GLS: variants seen among roughly 807,000 people sequenced by gnomAD.
GLS encodes the protein glutaminase, also known as glutaminase kidney isoform, mitochondrial.
A neutral mutation model predicts 86.7 loss-of-function variants in GLS; 36 were observed. The ratio of observed to expected loss-of-function variants is 0.42; its 90% CI spans 0.32 to 0.55. The LOEUF (loss-of-function observed/expected upper bound fraction) is 0.55, where lower values mean the gene tolerates loss of function less well. Among genes scored for constraint, GLS ranks in the 20% least tolerant of loss-of-function variants. The pLI, the probability that GLS is intolerant of heterozygous loss-of-function variation, is 0.17. For missense variants in GLS, 528 were observed against 833.4 expected, an observed-to-expected ratio of 0.63 and a Z score of 4.51; for synonymous variants, 317 against 305.9, an observed-to-expected ratio of 1.04 and a Z score of -0.38.
rs181150917 is a variant in GLS at position 190,881,020 on chromosome 2, G to A, written c.-65G>A. 5.3e-3 allele frequency: 8,032 copies of A among 1,503,808 alleles called. 42 individuals are homozygous for A. The highest frequency in any genetic ancestry group is 6.4e-3 in the Non-Finnish European group (7,230 of 1,125,408). 93.2% of individuals were successfully genotyped at this position (1,503,808 alleles called of 1,614,324 possible). A position where few individuals can be genotyped will look rare whatever the true frequency, so the allele number is the denominator to read the frequency against. Reference sequence around the variant, plus strand: ...CCCCACCACAGACCGCGTTCCCCGAGGAAACCGGCCGCCCACGCCCGGAGC... The same window carrying A: ...CCCCACCACAGACCGCGTTCCCCGAAGAAACCGGCCGCCCACGCCCGGAGC... On this transcript the variant is annotated 5_prime_UTR_variant, in exon 1 of 18. Coordinates refer to ENST00000320717, the MANE Select transcript of GLS (RefSeq NM_014905.5).
rs1380966191 is a variant in GLS at position 190,965,508 on chromosome 2, G to A, written c.*2522G>A. 1 of 152,494 alleles carries A rather than the reference G, an allele frequency of 6.6e-6. No homozygotes were observed. The highest frequency in any genetic ancestry group is 2.1e-4 in the South Asian group (1 of 4,816). The allele number at this position is 152,494 out of a possible 1,614,324, so 9.4% of individuals were successfully genotyped here. A position where few individuals can be genotyped will look rare whatever the true frequency, so the allele number is the denominator to read the frequency against. Reference sequence around the variant, plus strand: ...CATTTATTTTAAATGCAATCAGGTAGTGTTGCTTTTTACAGCATAATAAAT... The same window carrying A: ...CATTTATTTTAAATGCAATCAGGTAATGTTGCTTTTTACAGCATAATAAAT... On this transcript the variant is annotated 3_prime_UTR_variant, in exon 18 of 18. Transcript: ENST00000320717. The surrounding 1 kb of genome is among the most constrained non-coding windows in gnomAD (Gnocchi z 5.0).
At position 190,930,753 on chromosome 2, in the gene GLS, T is replaced by C. The variant is rs1468475999; in HGVS notation, c.1557+185T>C. Among the ~76,000 whole-genome samples, 2 of 152,222 alleles carry C rather than the reference T, an allele frequency of 1.3e-5. No individual in the cohort carries two copies. The highest frequency in any genetic ancestry group is 4.8e-5 in the African/African-American group (2 of 41,470). ...GTTGTCTCTGTCAGACAGCTCCCAT[T>C]TAATTATTCCCACAGATTATATTTG... On this transcript the variant is annotated intron_variant, in intron 13 of 17. Coordinates refer to ENST00000320717, the MANE Select transcript of GLS (RefSeq NM_014905.5). The surrounding 1 kb of genome is among the most constrained non-coding windows in gnomAD (Gnocchi z 5.0).
At position 190,949,582 on chromosome 2, in the gene GLS, A is replaced by G. The variant is rs143158184; in HGVS notation, c.1651-3983A>G. ...GTGGCACATGCCTGTAATCCCAGCT[A>G]CTCCAGAGGCTGAGGTGGGAGAATC... On this transcript the variant is annotated intron_variant, in intron 14 of 17. Transcript: ENST00000320717. This position sits in a 1 kb window ranked among gnomAD's most constrained non-coding sequence, Gnocchi z 4.0. Among the ~76,000 whole-genome samples the G allele has an allele frequency of 1.2e-4, 18 of 151,932 alleles. No individual in the cohort carries two copies. The East Asian group carries it at 3.1e-3, about 26-fold the overall frequency.
intron 14 of GLS, among the ~76,000 whole-genome samples, chr2:190,952,708 A>C (rs1157426004): frequency 6.6e-6 from 1 of 152,218 alleles, no homozygotes; most frequent in African/African-American, 2.4e-5. Flanking sequence ...TTGAGTCATC[A>C]ATATGAATGT....
At chr2:190,939,404 TG>T (rs1690363876) in intron 14 of GLS, among the ~76,000 whole-genome samples, 1 of 151,734 alleles carries the variant, frequency 6.6e-6, no homozygotes, top group Non-Finnish European at 1.5e-5. Flanking sequence ...AAATTTAAAC[TG>T]CCTGAGTAGC....
intron 5 of GLS, among the ~76,000 whole-genome samples, chr2:190,904,501 A>T (rs934600330): frequency 1.3e-5 from 2 of 152,128 alleles, no homozygotes; most frequent in Non-Finnish European, 2.9e-5. Flanking sequence ...TCTTAAAATA[A>T]ACATAGGTCA....
In GLS at chr2:190,955,100, A is replaced by G. The variant is rs1690826527; in HGVS notation, c.1853+282A>G. 6.6e-6 allele frequency among the ~76,000 whole-genome samples: 1 copy of G among 152,114 alleles called. No homozygotes were observed. The highest frequency in any genetic ancestry group is 1.5e-5 in the Non-Finnish European group (1 of 68,012). On this transcript the variant is annotated intron_variant, in intron 17 of 17. Coordinates refer to ENST00000320717, the MANE Select transcript of GLS (RefSeq NM_014905.5). The surrounding 1 kb of genome is among the most constrained non-coding windows in gnomAD (Gnocchi z 5.6). ...TTTTTTTTTGCATTTGGGAAGAAAGAATTGGAATTTTATCCTCATGGATTT... is the reference window on the plus strand; with the variant it reads ...TTTTTTTTTGCATTTGGGAAGAAAGGATTGGAATTTTATCCTCATGGATTT...
In GLS at chr2:190,956,047, A is replaced by G. The variant is rs1195579305; in HGVS notation, c.1853+1229A>G. Among the ~76,000 whole-genome samples the G allele has an allele frequency of 1.3e-5, 2 of 152,216 alleles. No individual in the cohort carries two copies. Among genetic ancestry groups the G allele is most frequent in the Non-Finnish European group, 2.9e-5 (2 of 68,038 alleles). On this transcript the variant is annotated intron_variant, in intron 17 of 17. Coordinates refer to ENST00000320717, the MANE Select transcript of GLS (RefSeq NM_014905.5). This position sits in a 1 kb window ranked among gnomAD's most constrained non-coding sequence, Gnocchi z 4.2. ...CCCTTTGTCAGATGGATAGATCGCA[A>G]AAATTTTCTCCCATTCTGTAGGTTG... is the stretch of plus-strand genomic sequence containing the variant.
intron 12 of GLS, among the ~76,000 whole-genome samples, chr2:190,928,663 T>A (rs1479414951): frequency 1.3e-5 from 2 of 151,518 alleles, no homozygotes; most frequent in African/African-American, 4.8e-5. Context: ...TTTGTTTGAC[T>A]TAGGATACAG....
chr2:190,947,910 G>A lies in GLS; in HGVS notation c.1651-5655G>A, dbSNP rs528589140. 3.0e-4 allele frequency among the ~76,000 whole-genome samples: 45 copies of A among 152,280 alleles called. No homozygotes were observed. Among genetic ancestry groups the A allele is most frequent in the South Asian group, 1.2e-3 (6 of 4,820 alleles). On this transcript the variant is annotated intron_variant, in intron 14 of 17. Coordinates refer to ENST00000320717, the MANE Select transcript of GLS (RefSeq NM_014905.5). This position sits in a 1 kb window ranked among gnomAD's most constrained non-coding sequence, Gnocchi z 5.0. ...CAGCTTAGTTGGAAATACTCGTGGC[G>A]CTCTTTAACAGACCAGGAAGCAGAC...
chr2:190,901,640 T>TA (rs879271802), intron 4 of GLS, among the ~76,000 whole-genome samples: 103 of 141,138 alleles, frequency 7.3e-4, no homozygotes, highest in Admixed American at 7.7e-4. Flanking sequence ...TTTTCCTGCT[T>TA]AAAAAAAAAA....
chr2:190,933,387 T>G, intron 14 of GLS: 1 of 878,290 alleles, frequency 1.1e-6, no homozygotes, highest in African/African-American at 1.8e-5. Flanking sequence ...TAAAATTAGC[T>G]TGTGTTTACA....
In GLS at chr2:190,914,607, A is replaced by G. The variant is rs151071390; in HGVS notation, c.1038+4286A>G. Among the ~76,000 whole-genome samples, 66 of 152,120 alleles carry G rather than the reference A, an allele frequency of 4.3e-4. 1 individual carries two copies. The highest frequency in any genetic ancestry group is 1.5e-3 in the African/African-American group (62 of 41,494). Reference sequence around the variant, plus strand: ...TTAGCTTTAAACCATTTTCTATCATAAGACTAAATTAAGAGTATTTCACAA... The same window carrying G: ...TTAGCTTTAAACCATTTTCTATCATGAGACTAAATTAAGAGTATTTCACAA... On this transcript the variant is annotated intron_variant, in intron 7 of 17. Transcript: ENST00000320717. This position sits in a 1 kb window ranked among gnomAD's most constrained non-coding sequence, Gnocchi z 4.4.
In GLS at chr2:190,956,178, G is replaced by A. The variant is rs927052429; in HGVS notation, c.1853+1360G>A. On this transcript the variant is annotated intron_variant, in intron 17 of 17. Coordinates refer to ENST00000320717, the MANE Select transcript of GLS (RefSeq NM_014905.5). This position sits in a 1 kb window ranked among gnomAD's most constrained non-coding sequence, Gnocchi z 4.2. ...TTGTTGCCATTGCTTTTGGTGTTTT[G>A]GTCATGAAGTCTTTGCCCATGCCTA... Among the ~76,000 whole-genome samples, 2 of 151,906 alleles carry A rather than the reference G, an allele frequency of 1.3e-5. No individual in the cohort carries two copies. The highest frequency in any genetic ancestry group is 4.8e-5 in the African/African-American group (2 of 41,340).
At chr2:190,942,838 A>T (rs777126882) in intron 14 of GLS, among the ~76,000 whole-genome samples, 1 of 152,216 alleles carries the variant, frequency 6.6e-6, no homozygotes, top group Non-Finnish European at 1.5e-5. Flanking sequence ...CTATCAGGGA[A>T]ACCAACCAGG....
intron 14 of GLS, chr2:190,934,786 A>C: frequency 3.1e-6 from 3 of 968,570 alleles, no homozygotes; most frequent in Non-Finnish European, 3.7e-6. Flanking sequence ...ATACTTAAAA[A>C]TGAAGTACTG....
At chr2:190,898,998 C>A (rs771422701) in intron 3 of GLS, among the ~76,000 whole-genome samples, 1 of 152,184 alleles carries the variant, frequency 6.6e-6, no homozygotes, top group Non-Finnish European at 1.5e-5. Context: ...TAAATTTGTT[C>A]AGCAGCTCTC....
chr2:190,932,916 T>C, intron 14 of GLS: 9 of 1,383,600 alleles, frequency 6.5e-6, no homozygotes, highest in Non-Finnish European at 1.9e-6. Context: ...CAAACATCTT[T>C]AGCTTTTTTT....
chr2:190,957,007 G>A (rs938649476), intron 17 of GLS, among the ~76,000 whole-genome samples: 8 of 152,122 alleles, frequency 5.3e-5, no homozygotes, highest in Non-Finnish European at 1.0e-4. Context: ...ATTTTGGGCC[G>A]AGATGATGGG....
Sources: gnomAD v4.1 joint callset for allele counts (sites outside exome capture counted in the v4.1 genomes callset) on GRCh38, gnomAD v4.1.1 for gene constraint, Gnocchi (gnomAD v3.1) non-coding constraint, MANE v1.5 for transcripts, NCBI Gene and HGNC (gene_info 2026-07-23, HGNC 2026-07-21) for gene names.